The following MMUT variants were observed in gnomAD, a reference collection of about 807,000 sequenced individuals.
MMUT encodes methylmalonyl-CoA mutase, also known as methylmalonyl-CoA mutase, mitochondrial.
A neutral mutation model predicts 79.9 loss-of-function variants in MMUT; 79 were observed. The observed-to-expected ratio is 0.99, with a 90% CI of 0.82 to 1.19. MMUT has a LOEUF of 1.19. MMUT is among the 50% of genes most tolerant of loss of function. MMUT has a pLI of 0.00. For synonymous variants in MMUT, 273 were observed against 295.7 expected (o/e 0.92, Z 0.79); for missense variants, 860 against 917.2 (o/e 0.94, Z 0.81).
At chr6:49,435,955 G>C (rs763655587) in intron 11 of MMUT, among the ~76,000 whole-genome samples, 19 of 152,086 alleles carry the variant, frequency 1.2e-4, no homozygotes, top group Non-Finnish European at 2.5e-4. Flanking sequence ...ACATTAAAAA[G>C]CAGGCAAAAG....
At position 49,453,721 on chromosome 6, in the gene MMUT, T is replaced by C. The variant is rs781474200; in HGVS notation, c.947A>G (p.Tyr316Cys). ...AGCTCTCATCTTTGCTATTTCCATA[T>C]AGAAATTCATTCCAATTCCCCAGAA... ...SFFWGIGMNF[Y>C]MEIAKMRAGR... The change falls in exon 5 of 13, where the codon TAT (tyrosine) becomes TGT (cysteine). Residue 316 changes from tyrosine (Y) to cysteine (C), a missense_variant. Physicochemically the swap from Tyr to Cys is radical, Grantham distance 194 (BLOSUM62 -2). Transcript: ENST00000274813. 44 of 1,613,144 alleles carry C rather than the reference T, an allele frequency of 2.7e-5. No homozygotes were observed. Among genetic ancestry groups the C allele is most frequent in the Non-Finnish European group, 3.5e-5 (41 of 1,179,528 alleles).
intron 12 of MMUT, among the ~76,000 whole-genome samples, chr6:49,435,197 CATAGGT>C (rs1767089747): frequency 2.6e-5 from 4 of 152,290 alleles, no homozygotes; most frequent in African/African-American, 9.6e-5. Flanking sequence ...AAACATCTAG[CATAGGT>C]TACTGGTTTG....
intron 4 of MMUT, among the ~76,000 whole-genome samples, chr6:49,455,134 AT>A (rs200283500): frequency 0.016 from 2,349 of 146,802 alleles, 67 homozygotes; most frequent in African/African-American, 0.051. Flanking sequence ...TCTTAAAAAA[AT>A]ATATATATAT....
At chr6:49,447,359 A>G (rs1767433936) in intron 8 of MMUT, among the ~76,000 whole-genome samples, 1 of 151,870 alleles carries the variant, frequency 6.6e-6, no homozygotes, top group East Asian at 1.9e-4. Flanking sequence ...GTTTTAATCT[A>G]TAAATTATGG....
Position 49,431,559 on chromosome 6 carries a change from T to C in MMUT, c.*169A>G. On this transcript the variant is annotated 3_prime_UTR_variant, in exon 13 of 13. Transcript: ENST00000274813. ...TTTATTTTTGAAGTGAAACTGTATG[T>C]ACATACTTATAGCATGACACCAGGC... The C allele has an allele frequency of 1.1e-5, 7 of 622,038 alleles. No homozygotes were observed. The South Asian group carries it at 1.2e-4, about 11-fold the overall frequency. 38.5% of individuals were successfully genotyped at this position (622,038 alleles called of 1,614,324 possible).
rs746274670 is a variant in MMUT, at chr6:49,459,190, G to T, written c.277C>A (p.Arg93Ser). 2 of 1,614,064 alleles carry T rather than the reference G, an allele frequency of 1.2e-6. No individual in the cohort carries two copies. The highest frequency in any genetic ancestry group is 3.3e-5 in the Admixed American group (2 of 60,004). Residue 93 changes from arginine (R) to serine (S), a missense_variant, in exon 2 of 13, where the codon CGT becomes AGT. Coordinates refer to ENST00000274813, the MANE Select transcript of MMUT (RefSeq NM_000255.4). The stretch of plus-strand genomic sequence containing the variant: ...GTATACATGGTAGGATATGGTCCAC[G>T]TGTGAATGGCTTCACTCCTGGAAGT... Reference protein sequence around the residue: ...EELPGVKPFTRGPYPTMYTFR... With the variant: ...EELPGVKPFTSGPYPTMYTFR...
At chr6:49,455,259 G>T (rs946418156) in intron 4 of MMUT, among the ~76,000 whole-genome samples, 1 of 152,086 alleles carries the variant, frequency 6.6e-6, no homozygotes, top group Non-Finnish European at 1.5e-5. Flanking sequence ...ATCACATATC[G>T]TGTAGCTTCT....
chr6:49,451,770 C>G, intron 5 of MMUT, 56 bp from the exon 6 acceptor site: 1 of 1,538,550 alleles, frequency 6.5e-7, no homozygotes, highest in Non-Finnish European at 8.9e-7. Context: ...GATATTGCAA[C>G]TATAAACAGC....
At chr6:49,445,868 T>A (rs1033478812) in intron 8 of MMUT, among the ~76,000 whole-genome samples, 2 of 152,002 alleles carry the variant, frequency 1.3e-5, no homozygotes, top group Admixed American at 1.3e-4. Flanking sequence ...AAAATGCCCA[T>A]TTTTCTTTAT....
rs775291072 is a variant in MMUT at position 49,440,276 on chromosome 6, C to T, written c.1886G>A (p.Arg629Lys). The T allele has an allele frequency of 3.1e-6, 5 of 1,613,986 alleles. No individual in the cohort carries two copies. In the African/African-American group the frequency reaches 6.7e-5, roughly 22 times the overall value. The change falls in exon 11 of 13, where the codon AGA becomes AAA. Residue 629 changes from arginine (R) to lysine (K), a missense_variant. Physicochemically the swap from Arg to Lys is conservative, Grantham distance 26 (BLOSUM62 2). Coordinates refer to ENST00000274813, the MANE Select transcript of MMUT (RefSeq NM_000255.4). Reference sequence around the variant, plus strand: ...TCCTGTAGCAATAACTTTTGCTCCTCTGTCATGGCCATCTTGTCCCATTTT... The same window carrying T: ...TCCTGTAGCAATAACTTTTGCTCCTTTGTCATGGCCATCTTGTCCCATTTT... ...VAKMGQDGHDRGAKVIATGFA... is the reference protein window; with the variant it reads ...VAKMGQDGHDKGAKVIATGFA...
rs796052002 is a variant in MMUT, at chr6:49,453,686, G to A, written c.982C>T (p.Leu328Phe). 4 of 1,613,038 alleles carry A rather than the reference G, an allele frequency of 2.5e-6. No homozygotes were observed. ...EIAKMRAGRR[L>F]WAHLIEKMFQ... ...ATTTTCTCTATTAAGTGAGCCCAGA[G>A]TCTTCTACCAGCTCTCATCTTTGCT... is the stretch of plus-strand genomic sequence containing the variant. The change falls in exon 5 of 13, where the codon CTC (leucine) becomes TTC (phenylalanine). Residue 328 changes from leucine to phenylalanine, a missense_variant. Transcript: ENST00000274813.
chr6:49,461,839 C>A (rs899738902), intron 1 of MMUT, among the ~76,000 whole-genome samples: 6 of 152,072 alleles, frequency 3.9e-5, no homozygotes, highest in Non-Finnish European at 7.4e-5. Flanking sequence ...CCATGGGGTC[C>A]TTGTCATCCA....
chr6:49,440,021 G>A (rs929457073), intron 11 of MMUT, among the ~76,000 whole-genome samples, 185 bp downstream of exon 11: 1 of 152,212 alleles, frequency 6.6e-6, no homozygotes, highest in African/African-American at 2.4e-5. Context: ...CCAGCTGAAG[G>A]CAAATTGCTT....
chr6:49,453,487 T>C (rs1581831709), intron 5 of MMUT, 98 bp downstream of exon 5: 1 of 527,468 alleles, frequency 1.9e-6, no homozygotes, highest in Non-Finnish European at 3.1e-6. Context: ...TATTAACAGA[T>C]AGCTTCTTAA....
chr6:49,435,689 A>G, intron 11 of MMUT, 66 bp from the exon 12 acceptor site: 1 of 1,518,334 alleles, frequency 6.6e-7, no homozygotes, highest in East Asian at 2.4e-5. Context: ...AAAACCCTGG[A>G]AGACAATCTA....
intron 11 of MMUT, among the ~76,000 whole-genome samples, 180 bp downstream of exon 11, chr6:49,440,026 T>C (rs1464410875): frequency 6.6e-6 from 1 of 152,162 alleles, no homozygotes; most frequent in African/African-American, 2.4e-5. Context: ...TGAAGGCAAA[T>C]TGCTTCTGGT....
chr6:49,444,774 A>C lies in MMUT; in HGVS notation c.1561-20T>G, dbSNP rs771363186. 6.4e-7 allele frequency: 1 copy of C among 1,565,358 alleles called. No homozygotes were observed. Among genetic ancestry groups the C allele is most frequent in the Non-Finnish European group, 8.8e-7 (1 of 1,135,856 alleles). ...TTTGATCTATGGAAAAAGTCAAGGA[A>C]AGGGACAATTTACATGAAGAGAGAA... On this transcript the variant is annotated intron_variant, in intron 8 of 12. Coordinates refer to ENST00000274813, the MANE Select transcript of MMUT (RefSeq NM_000255.4).
chr6:49,443,325 A>C lies in MMUT; in HGVS notation c.1676+1314T>G, dbSNP rs192225424. On this transcript the variant is annotated intron_variant, in intron 9 of 12. Transcript: ENST00000274813. ...GGAGGACATGCTTATTACCCATTAC[A>C]AAAGATTCCGAATCCCTAAGCTCAG... is the stretch of plus-strand genomic sequence containing the variant. 2.0e-5 allele frequency among the ~76,000 whole-genome samples: 3 copies of C among 152,288 alleles called. No homozygotes were observed. In the East Asian group the frequency reaches 5.8e-4, roughly 29 times the overall value.
chr6:49,457,864 G>C lies in MMUT; in HGVS notation c.580C>G (p.Pro194Ala), dbSNP rs775266242. ...GTTACTATAAAATTTGCAAGAACTGGAATAACTGCTCCATTCATAGTCATG... is the reference window on the plus strand; with the variant it reads ...GTTACTATAAAATTTGCAAGAACTGCAATAACTGCTCCATTCATAGTCATG... ...VSMTMNGAVI[P>A]VLANFIVTGE... Residue 194 changes from proline (P) to alanine (A), a missense_variant, in exon 3 of 13, where the codon CCA becomes GCA. By Grantham distance (27) the Pro-to-Ala change is conservative. Transcript: ENST00000274813. 5.0e-6 allele frequency: 8 copies of C among 1,613,750 alleles called. No homozygotes were observed. In the South Asian group the frequency reaches 6.6e-5, roughly 13 times the overall value.
Sources: allele counts gnomAD v4.1 joint callset (sites outside exome capture counted in the v4.1 genomes callset), GRCh38; gene constraint gnomAD v4.1.1; transcripts MANE v1.5; gene names NCBI Gene and HGNC (gene_info 2026-07-23, HGNC 2026-07-21).